KCNK12: variants seen among roughly 807,000 people sequenced by gnomAD.
KCNK12 encodes the protein potassium two pore domain channel subfamily K member 12.
In KCNK12, 6 loss-of-function variants were observed where a neutral mutation model predicts 25.3. The observed-to-expected ratio is 0.24, with a 90% CI of 0.13 to 0.47. The LOEUF (loss-of-function observed/expected upper bound fraction) is 0.47, where lower values mean the gene tolerates loss of function less well. Ranked by LOEUF, KCNK12 falls within the 20% of genes least tolerant of loss-of-function variation. The probability of loss-of-function intolerance (pLI) is 0.99; values close to 1 mark genes in which losing one functional copy is unlikely to be tolerated. For missense variants in KCNK12, 444 were observed against 661.7 expected (o/e 0.67, Z 3.61); for synonymous variants, 331 against 311.1 (o/e 1.06, Z -0.67).
At chr2:47,564,064 C>A (rs1189783794) in intron 1 of KCNK12, 1 of 231,236 alleles carries the variant, frequency 4.3e-6, no homozygotes, top group Non-Finnish European at 8.6e-6. Flanking sequence ...CCAAAGGAAG[C>A]TGCTCTCATT....
chr2:47,570,878 G>A lies in KCNK12; in HGVS notation c.-547C>T, dbSNP rs1669897764. On this transcript the variant is annotated 5_prime_UTR_variant, in exon 1 of 2. Transcript: ENST00000327876. ...CAGTCCTGCTCCCGCCCCCGGGGCT[G>A]AGCTGGCGGCGTCGGCTTCAGAGCC... 1 of 152,172 alleles carries A rather than the reference G, an allele frequency of 6.6e-6. No individual in the cohort carries two copies. The highest frequency in any genetic ancestry group is 2.4e-5 in the African/African-American group (1 of 41,438). The allele number at this position is 152,172 out of a possible 1,614,324, so 9.4% of individuals were successfully genotyped here. A position where few individuals can be genotyped will look rare whatever the true frequency, so the allele number is the denominator to read the frequency against.
At chr2:47,537,110 G>A (rs982561765) in intron 1 of KCNK12, among the ~76,000 whole-genome samples, 5 of 152,240 alleles carry the variant, frequency 3.3e-5, no homozygotes, top group African/African-American at 1.2e-4. Context: ...GTGAGTGCCA[G>A]GCCAGCTCTC....
intron 1 of KCNK12, among the ~76,000 whole-genome samples, chr2:47,532,201 GCAAA>G (rs987254371): frequency 2.0e-5 from 3 of 148,764 alleles, no homozygotes; most frequent in African/African-American, 5.0e-5. Flanking sequence ...GTAACAATAA[GCAAA>G]CAAACAAATT....
At chr2:47,558,719 C>T (rs1328513155) in intron 1 of KCNK12, among the ~76,000 whole-genome samples, 1 of 152,186 alleles carries the variant, frequency 6.6e-6, no homozygotes, top group Non-Finnish European at 1.5e-5. Flanking sequence ...GAGTGCGATT[C>T]GGAGTTTGCG....
At position 47,529,607 on chromosome 2, in the gene KCNK12, C is replaced by A. The variant is rs1352517045; in HGVS notation, c.392-7799G>T. On this transcript the variant is annotated intron_variant, in intron 1 of 1. Transcript: ENST00000327876. This position sits in a 1 kb window ranked among gnomAD's most constrained non-coding sequence, Gnocchi z 4.3. ...ACAGACTGAACTCCAGGAATGGGCT[C>A]TATTAGTCTAGGCCAATCAGGATAA... Among the ~76,000 whole-genome samples the A allele has an allele frequency of 2.0e-5, 3 of 152,204 alleles. No individual in the cohort carries two copies. The highest frequency in any genetic ancestry group is 2.9e-5 in the Non-Finnish European group (2 of 68,046).
intron 1 of KCNK12, among the ~76,000 whole-genome samples, chr2:47,559,384 C>T (rs1243802779): frequency 1.3e-5 from 2 of 152,168 alleles, no homozygotes; most frequent in African/African-American, 4.8e-5. Flanking sequence ...TGGTCTGGGC[C>T]CAGCTTGCTC....
rs1669360318 is a variant in KCNK12, at chr2:47,548,532, C to T, written c.391+21409G>A. On this transcript the variant is annotated intron_variant, in intron 1 of 1. Transcript: ENST00000327876. The surrounding 1 kb of genome is among the most constrained non-coding windows in gnomAD (Gnocchi z 4.4). ...GAGCCCTTTTTTATTCTTTTGCTTT[C>T]TCTCACACCCTACATCTGATCCAGG... Among the ~76,000 whole-genome samples, 1 of 152,148 alleles carries T rather than the reference C, an allele frequency of 6.6e-6. No individual in the cohort carries two copies. The highest frequency in any genetic ancestry group is 2.4e-5 in the African/African-American group (1 of 41,414).
At chr2:47,553,206 A>G (rs535552321) in intron 1 of KCNK12, among the ~76,000 whole-genome samples, 1 of 152,376 alleles carries the variant, frequency 6.6e-6, no homozygotes, top group African/African-American at 2.4e-5. Context: ...CTCTTTGTTT[A>G]AAGTGTGAAC....
chr2:47,567,931 G>C (rs1439291515), intron 1 of KCNK12, among the ~76,000 whole-genome samples: 1 of 152,242 alleles, frequency 6.6e-6, no homozygotes, highest in Non-Finnish European at 1.5e-5. Flanking sequence ...ACTGCTGAAA[G>C]AGAAGCTTTA....
At position 47,570,985 on chromosome 2, in the gene KCNK12, T is replaced by A. The variant is rs1669902059; in HGVS notation, c.-654A>T. ...GCCCGGCAGGGAGAGGCGGAGTCAC[T>A]GGCGCCCGGGGCGGGGTGTTGGGGA... On this transcript the variant is annotated 5_prime_UTR_variant, in exon 1 of 2. Coordinates refer to ENST00000327876, the MANE Select transcript of KCNK12 (RefSeq NM_022055.2). The A allele has an allele frequency of 6.7e-6, 1 of 148,468 alleles. No individual in the cohort carries two copies. Among genetic ancestry groups the A allele is most frequent in the African/African-American group, 2.5e-5 (1 of 39,952 alleles). 9.2% of individuals were successfully genotyped at this position (148,468 alleles called of 1,614,324 possible).
At position 47,511,008 on chromosome 2, in the gene KCNK12, G is replaced by C. The variant is rs571544962; in HGVS notation, c.*9899C>G. The C allele has an allele frequency of 6.6e-6, 1 of 152,310 alleles. No homozygotes were observed. The highest frequency in any genetic ancestry group is 2.4e-5 in the African/African-American group (1 of 41,542). 9.4% of individuals were successfully genotyped at this position (152,310 alleles called of 1,614,324 possible). On this transcript the variant is annotated 3_prime_UTR_variant, in exon 2 of 2. Coordinates refer to ENST00000327876, the MANE Select transcript of KCNK12 (RefSeq NM_022055.2). The surrounding 1 kb of genome is among the most constrained non-coding windows in gnomAD (Gnocchi z 4.3). ...GGCAACCAACATGTCCTAGCTCCTA[G>C]ACCATAGAGGGCCAGATTCATGTCT...
chr2:47,562,662 T>C lies in KCNK12; in HGVS notation c.391+7279A>G, dbSNP rs919324766. ...GTCTCATAGCAGTGGTAGCCAAGAG[T>C]TGGCTTAGGGTGAGAGCCAAGGGGC... On this transcript the variant is annotated intron_variant, in intron 1 of 1. Coordinates refer to ENST00000327876, the MANE Select transcript of KCNK12 (RefSeq NM_022055.2). This position sits in a 1 kb window ranked among gnomAD's most constrained non-coding sequence, Gnocchi z 4.8. 4 of 232,702 alleles carry C rather than the reference T, an allele frequency of 1.7e-5. No individual in the cohort carries two copies. Among genetic ancestry groups the C allele is most frequent in the African/African-American group, 8.9e-5 (4 of 45,166 alleles). 14.4% of individuals were successfully genotyped at this position (232,702 alleles called of 1,614,324 possible).
chr2:47,537,719 G>A (rs549845440), intron 1 of KCNK12, among the ~76,000 whole-genome samples: 6 of 152,140 alleles, frequency 3.9e-5, no homozygotes, highest in East Asian at 1.9e-4. Context: ...TTTTGAAACC[G>A]TAAGTTCACT....
rs1422834675 is a variant in KCNK12, at chr2:47,525,579, GGCTT to G, written c.392-3775_392-3772del. ...TCCCAGGGGCCATCTGTACTTCAAG[GGCTT>G]GCTTCATCAGGAGATGTGAGGGTGA... On this transcript the variant is annotated intron_variant, in intron 1 of 1. Coordinates refer to ENST00000327876, the MANE Select transcript of KCNK12 (RefSeq NM_022055.2). The surrounding 1 kb of genome is among the most constrained non-coding windows in gnomAD (Gnocchi z 4.1). 3.3e-5 allele frequency among the ~76,000 whole-genome samples: 5 copies of G among 152,174 alleles called. No individual in the cohort carries two copies. The highest frequency in any genetic ancestry group is 7.4e-5 in the Non-Finnish European group (5 of 68,020).
intron 1 of KCNK12, among the ~76,000 whole-genome samples, chr2:47,530,233 A>G (rs1332735404): frequency 4.6e-5 from 7 of 152,186 alleles, no homozygotes; most frequent in Admixed American, 3.9e-4. Flanking sequence ...GGGGCTGCCA[A>G]CAGCCTGCTC....
At chr2:47,567,302 G>C (rs1228296927) in intron 1 of KCNK12, 1 of 152,172 alleles carries the variant, frequency 6.6e-6, no homozygotes, top group East Asian at 1.9e-4. Flanking sequence ...TAAAGAGTCA[G>C]ATAAAGAATC....
chr2:47,537,533 G>T (rs1669100976), intron 1 of KCNK12, among the ~76,000 whole-genome samples: 1 of 152,092 alleles, frequency 6.6e-6, no homozygotes, highest in Non-Finnish European at 1.5e-5. Flanking sequence ...GTTTCATCAT[G>T]TTGGCCAGGA....
intron 1 of KCNK12, among the ~76,000 whole-genome samples, chr2:47,552,379 G>C (rs939404469): frequency 6.6e-6 from 1 of 152,094 alleles, no homozygotes; most frequent in Non-Finnish European, 1.5e-5. Flanking sequence ...GCCTCAGCCT[G>C]CTTCATTCCC....
intron 1 of KCNK12, among the ~76,000 whole-genome samples, chr2:47,567,462 A>C (rs1669806435): frequency 6.6e-6 from 1 of 152,240 alleles, no homozygotes; most frequent in Non-Finnish European, 1.5e-5. Context: ...TGACCTGTGG[A>C]GATCTTTACT....
Sources: allele counts gnomAD v4.1 joint callset (sites outside exome capture counted in the v4.1 genomes callset), GRCh38; gene constraint gnomAD v4.1.1; non-coding constraint Gnocchi (gnomAD v3.1); transcripts MANE v1.5; gene names NCBI Gene and HGNC (gene_info 2026-07-23, HGNC 2026-07-21).